The following TMEM132D variants were observed in gnomAD, a reference collection of about 807,000 sequenced individuals.
The protein encoded by TMEM132D is transmembrane protein 132D, also known as mature OL transmembrane protein.
TMEM132D carries 21 observed loss-of-function variants against 62.3 expected under a neutral mutation model. The ratio of observed to expected loss-of-function variants is 0.34; its 90% CI spans 0.24 to 0.49. The LOEUF is 0.49. TMEM132D is among the 20% of genes least tolerant of loss of function. The probability of loss-of-function intolerance (pLI) is 0.99; values close to 1 mark genes in which losing one functional copy is unlikely to be tolerated. For missense variants in TMEM132D, 1,346 were observed against 1,402.8 expected, an observed-to-expected ratio of 0.96 and a Z score of 0.65; for synonymous variants, 621 against 575.6, an observed-to-expected ratio of 1.08 and a Z score of -1.13.
chr12:129,448,696 A>G (rs941910556), intron 3 of TMEM132D, among the ~76,000 whole-genome samples: 8 of 152,210 alleles, frequency 5.3e-5, no homozygotes, highest in African/African-American at 1.9e-4. Context: ...CATTTTAAAA[A>G]CATTCTTATT....
chr12:129,363,615 T>C (rs1352143595), intron 3 of TMEM132D, among the ~76,000 whole-genome samples: 1 of 152,212 alleles, frequency 6.6e-6, no homozygotes, highest in Non-Finnish European at 1.5e-5. Flanking sequence ...ATGAAAGAGA[T>C]GATTCTGTTT....
At chr12:129,533,663 C>G (rs928420386) in intron 2 of TMEM132D, among the ~76,000 whole-genome samples, 3 of 152,340 alleles carry the variant, frequency 2.0e-5, no homozygotes, top group Non-Finnish European at 2.9e-5. Flanking sequence ...AGAAAGGACA[C>G]AGTGGCTTGT....
intron 1 of TMEM132D, among the ~76,000 whole-genome samples, chr12:129,743,748 G>A (rs946014761): frequency 7.2e-5 from 11 of 152,156 alleles, no homozygotes; most frequent in African/African-American, 2.7e-4. Context: ...AATTATCAGG[G>A]TAGGCTCAAA....
At chr12:129,830,535 C>T (rs192191215) in intron 1 of TMEM132D, among the ~76,000 whole-genome samples, 9 of 152,262 alleles carry the variant, frequency 5.9e-5, no homozygotes, top group South Asian at 2.1e-4. Context: ...AGCCCCCTCC[C>T]TGCTTCCAAT....
In TMEM132D at chr12:129,547,132, C is replaced by T. The variant is rs1411751330; in HGVS notation, c.969-15927G>A. ...CCATTGCTGCCTCTGCTTCTGGTGGCAACCAGCACTCCTTGGCATTCCTCA... is the reference window on the plus strand; with the variant it reads ...CCATTGCTGCCTCTGCTTCTGGTGGTAACCAGCACTCCTTGGCATTCCTCA... On this transcript the variant is annotated intron_variant, in intron 2 of 8. Transcript: ENST00000422113. 2.0e-5 allele frequency among the ~76,000 whole-genome samples: 3 copies of T among 152,284 alleles called. No individual in the cohort carries two copies. The East Asian group carries it at 5.8e-4, about 30-fold the overall frequency.
At chr12:129,668,502 G>T (rs1057447518) in intron 2 of TMEM132D, among the ~76,000 whole-genome samples, 1 of 151,692 alleles carries the variant, frequency 6.6e-6, no homozygotes, top group Non-Finnish European at 1.5e-5. Context: ...TTGTGCCATT[G>T]GAATAGAGGA....
In TMEM132D at chr12:129,305,117, A is replaced by G. The variant is rs149232610; in HGVS notation, c.1299+32517T>C. Among the ~76,000 whole-genome samples the G allele has an allele frequency of 4.6e-5, 7 of 152,368 alleles. No individual in the cohort carries two copies. In the East Asian group the frequency reaches 1.3e-3, roughly 29 times the overall value. ...CCAAGAAAGAAGTTTAACTGAGAGCAGGGACTTTACCAGCCTGATTCATCA... is the reference window on the plus strand; with the variant it reads ...CCAAGAAAGAAGTTTAACTGAGAGCGGGGACTTTACCAGCCTGATTCATCA... On this transcript the variant is annotated intron_variant, in intron 4 of 8. Coordinates refer to ENST00000422113, the MANE Select transcript of TMEM132D (RefSeq NM_133448.3).
chr12:129,494,872 C>CA (rs1874902955), intron 3 of TMEM132D, among the ~76,000 whole-genome samples: 1 of 152,186 alleles, frequency 6.6e-6, no homozygotes, highest in Non-Finnish European at 1.5e-5. Flanking sequence ...TTGGGATCCT[C>CA]AAACACTTCA....
intron 6 of TMEM132D, 87 bp from the exon 7 acceptor site, chr12:129,082,119 G>C (rs1340813898): frequency 6.7e-7 from 1 of 1,485,368 alleles, no homozygotes; most frequent in Non-Finnish European, 9.0e-7. Flanking sequence ...GGGCTGCAGA[G>C]GTAGGTAGGC....
intron 3 of TMEM132D, among the ~76,000 whole-genome samples, chr12:129,512,919 TC>T (rs1441761543): frequency 6.6e-6 from 1 of 152,140 alleles, no homozygotes; most frequent in Non-Finnish European, 1.5e-5. Context: ...AGTTACTACA[TC>T]TAACCCGCAT....
At chr12:129,509,113 G>T (rs1875426033) in intron 3 of TMEM132D, among the ~76,000 whole-genome samples, 2 of 152,148 alleles carry the variant, frequency 1.3e-5, no homozygotes, top group Admixed American at 1.3e-4. Context: ...GAATGCCTCA[G>T]CTTGCTGTGC....
At chr12:129,763,052 G>T (rs1360207126) in intron 1 of TMEM132D, among the ~76,000 whole-genome samples, 2 of 152,184 alleles carry the variant, frequency 1.3e-5, no homozygotes, top group Non-Finnish European at 2.9e-5. Flanking sequence ...ATCAGAGAGT[G>T]TAAACTGGCC....
At chr12:129,841,557 G>A (rs757466696) in intron 1 of TMEM132D, among the ~76,000 whole-genome samples, 22 of 152,092 alleles carry the variant, frequency 1.4e-4, no homozygotes, top group Non-Finnish European at 2.6e-4. Flanking sequence ...TAGTAATGAG[G>A]TGCACTGAAA....
chr12:129,337,761 C>A lies in TMEM132D; in HGVS notation c.1172G>T (p.Gly391Val). 1 of 1,614,100 alleles carries A rather than the reference C, an allele frequency of 6.2e-7. No individual in the cohort carries two copies. Among genetic ancestry groups the A allele is most frequent in the Non-Finnish European group, 8.5e-7 (1 of 1,179,972 alleles). Residue 391 changes from glycine (G) to valine (V), a missense_variant, in exon 4 of 9, where the codon GGT becomes GTT. Coordinates refer to ENST00000422113, the MANE Select transcript of TMEM132D (RefSeq NM_133448.3). ...GACCAGCTGTGTGGCTGGCAGGTCACCAGGCTCTTCCACCTCCACATCGAT... is the reference window on the plus strand; with the variant it reads ...GACCAGCTGTGTGGCTGGCAGGTCAACAGGCTCTTCCACCTCCACATCGAT... ...MQIDVEVEEP[G>V]DLPATQLVTW...
chr12:129,861,807 T>C (rs1873908887), intron 1 of TMEM132D, among the ~76,000 whole-genome samples: 1 of 149,736 alleles, frequency 6.7e-6, no homozygotes, highest in South Asian at 2.1e-4. Context: ...GGTCACAAGA[T>C]TTGCAACTTC....
intron 3 of TMEM132D, among the ~76,000 whole-genome samples, chr12:129,408,714 C>A (rs563365453): frequency 1.3e-5 from 2 of 151,914 alleles, no homozygotes; most frequent in Admixed American, 1.3e-4. Flanking sequence ...TTTATGAACT[C>A]TCTGTAATAA....
In TMEM132D at chr12:129,712,420, G is replaced by A. The variant is rs537279301; in HGVS notation, c.80-11722C>T. 2.9e-4 allele frequency among the ~76,000 whole-genome samples: 44 copies of A among 152,322 alleles called. 1 individual carries two copies. Among genetic ancestry groups the A allele is most frequent in the African/African-American group, 1.1e-3 (44 of 41,578 alleles). ...ATTACCGGCGTGAGCCACTGCAACC[G>A]ATCTTTATCTTTCTTCTTAACAATA... On this transcript the variant is annotated intron_variant, in intron 1 of 8. Coordinates refer to ENST00000422113, the MANE Select transcript of TMEM132D (RefSeq NM_133448.3).
chr12:129,608,161 C>T (rs1593086661), intron 2 of TMEM132D, among the ~76,000 whole-genome samples: 1 of 152,348 alleles, frequency 6.6e-6, no homozygotes, highest in East Asian at 1.9e-4. Flanking sequence ...ATCTACCCCT[C>T]TTCATCCTGA....
intron 5 of TMEM132D, among the ~76,000 whole-genome samples, chr12:129,151,818 T>A (rs149514527): frequency 6.6e-6 from 1 of 152,278 alleles, no homozygotes; most frequent in Non-Finnish European, 1.5e-5. Context: ...TATTTGTATA[T>A]TACCTGGACG....
Sources: gnomAD v4.1 joint callset for allele counts (sites outside exome capture counted in the v4.1 genomes callset) on GRCh38, gnomAD v4.1.1 for gene constraint, MANE v1.5 for transcripts, NCBI Gene and HGNC (gene_info 2026-07-23, HGNC 2026-07-21) for gene names.